SLC2A5: variants seen among roughly 807,000 people sequenced by gnomAD.
SLC2A5 encodes the protein solute carrier family 2 member 5, also known as solute carrier family 2, facilitated glucose transporter member 5.
In SLC2A5, 56 loss-of-function variants were observed where a neutral mutation model predicts 50.3. The ratio of observed to expected loss-of-function variants is 1.11; its 90% CI spans 0.90 to 1.39. The LOEUF (loss-of-function observed/expected upper bound fraction) is 1.39. Ranked by LOEUF, SLC2A5 falls within the 40% of genes most tolerant of loss-of-function variation. SLC2A5 has a pLI of 0.00. For synonymous variants in SLC2A5, 269 were observed against 281.9 expected (o/e 0.95, Z 0.46); for missense variants, 566 against 650.1 (o/e 0.87, Z 1.41).
At chr1:9,058,067 G>C (rs2124407243) in intron 2 of SLC2A5, 85 bp downstream of exon 2, 1 of 975,886 alleles carries the variant, frequency 1.0e-6, no homozygotes, top group South Asian at 1.4e-5. Context: ...CCCACTGCGT[G>C]AACAGCCCCA....
At chr1:9,039,442 G>C in intron 8 of SLC2A5, 110 bp downstream of exon 8, 2 of 721,578 alleles carry the variant, frequency 2.8e-6, no homozygotes, top group Non-Finnish European at 4.4e-6. Flanking sequence ...AGTAGCGGCT[G>C]GTCCTCCACG....
chr1:9,050,041 G>A (rs1360595888), intron 3 of SLC2A5, among the ~76,000 whole-genome samples: 1 of 152,076 alleles, frequency 6.6e-6, no homozygotes, highest in African/African-American at 2.4e-5. Flanking sequence ...GGAGGCCAAG[G>A]CGGGTGGATC....
At chr1:9,049,771 C>A (rs886515008) in intron 3 of SLC2A5, among the ~76,000 whole-genome samples, 2 of 151,588 alleles carry the variant, frequency 1.3e-5, no homozygotes, top group African/African-American at 4.9e-5. Context: ...AATAGACCCA[C>A]GTTAAGTCTA....
intron 1 of SLC2A5, among the ~76,000 whole-genome samples, chr1:9,086,379 T>TTC (rs1216496284): frequency 1.2e-4 from 17 of 142,900 alleles, no homozygotes; most frequent in South Asian, 2.3e-4. Context: ...GATTTTCTTT[T>TTC]TCTCTCTCTT....
Position 9,039,935 on chromosome 1 carries a change from G to C in SLC2A5, c.750C>G (p.Ile250Met). Reference sequence around the variant, plus strand: ...CCTTCTCTGCCTCATCCTCCTGCCGGATCTCGGCCACCTCCCTGTCCACAG... The same window carrying C: ...CCTTCTCTGCCTCATCCTCCTGCCGCATCTCGGCCACCTCCCTGTCCACAG... ...WDSVDREVAE[I>M]RQEDEAEKAA... is the part of the protein sequence containing the mutation. The change falls in exon 7 of 12, where the codon ATC becomes ATG. Residue 250 changes from isoleucine (I) to methionine (M), a missense_variant. Coordinates refer to ENST00000377424, the MANE Select transcript of SLC2A5 (RefSeq NM_003039.3). 1 of 1,613,010 alleles carries C rather than the reference G, an allele frequency of 6.2e-7. No individual in the cohort carries two copies. The highest frequency in any genetic ancestry group is 8.5e-7 in the Non-Finnish European group (1 of 1,179,820).
chr1:9,083,846 C>T (rs1471282073), intron 2 of SLC2A5, among the ~76,000 whole-genome samples: 1 of 148,988 alleles, frequency 6.7e-6, no homozygotes, highest in Non-Finnish European at 1.5e-5. Context: ...AACAAACAAA[C>T]AACACATACT....
intron 1 of SLC2A5, among the ~76,000 whole-genome samples, chr1:9,062,609 C>T (rs145961730): frequency 0.075 from 11,397 of 152,170 alleles, 603 homozygotes; most frequent in Middle Eastern, 0.16. Context: ...CAGTGGCTCA[C>T]ACCTGTAATC....
At chr1:9,060,606 C>T (rs1448108632) in intron 1 of SLC2A5, among the ~76,000 whole-genome samples, 2 of 138,394 alleles carry the variant, frequency 1.4e-5, no homozygotes, top group Non-Finnish European at 3.2e-5. Context: ...GGCAGAAATA[C>T]ACACACCACA....
upstream of SLC2A5, among the ~76,000 whole-genome samples, chr1:9,070,237 C>G (rs994978015): frequency 6.6e-6 from 1 of 151,652 alleles, no homozygotes; most frequent in Non-Finnish European, 1.5e-5. Flanking sequence ...TGCACTACCA[C>G]GCTCGGCTAA....
intron 1 of SLC2A5, among the ~76,000 whole-genome samples, chr1:9,063,720 A>T: frequency 1.5e-5 from 1 of 67,028 alleles, no homozygotes; most frequent in Admixed American, 2.4e-4. Flanking sequence ...TTTGAGACGG[A>T]GTCTTCGCTC....
At chr1:9,086,251 A>G (rs1177379494) in intron 1 of SLC2A5, among the ~76,000 whole-genome samples, 3 of 152,194 alleles carry the variant, frequency 2.0e-5, no homozygotes, top group African/African-American at 7.2e-5. Context: ...GACAAAGTCA[A>G]TTGACTGAAA....
intron 1 of SLC2A5, among the ~76,000 whole-genome samples, chr1:9,062,973 T>C (rs1641984829): frequency 6.6e-6 from 1 of 152,140 alleles, no homozygotes; most frequent in Non-Finnish European, 1.5e-5. Flanking sequence ...GATGGGCACT[T>C]GGGTAATGGA....
intron 5 of SLC2A5, chr1:9,041,378 G>T: frequency 1.1e-6 from 1 of 903,414 alleles, no homozygotes; most frequent in Non-Finnish European, 1.5e-6. Context: ...TCTGCAAAAT[G>T]GGATAATCAC....
At position 9,036,392 on chromosome 1, in the gene SLC2A5, G is replaced by C. The variant is rs1299596065; in HGVS notation, c.*1194C>G. On this transcript the variant is annotated 3_prime_UTR_variant, in exon 12 of 12. Coordinates refer to ENST00000377424, the MANE Select transcript of SLC2A5 (RefSeq NM_003039.3). ...ACTGTGTTGCCCAGGCTGGAGTATAGGGTGCAATTTCAGCTCACTGCAACC... is the reference window on the plus strand; with the variant it reads ...ACTGTGTTGCCCAGGCTGGAGTATACGGTGCAATTTCAGCTCACTGCAACC... The C allele has an allele frequency of 6.6e-6, 1 of 152,104 alleles. No individual in the cohort carries two copies. Among genetic ancestry groups the C allele is most frequent in the African/African-American group, 2.4e-5 (1 of 41,396 alleles). 9.4% of individuals were successfully genotyped at this position (152,104 alleles called of 1,614,324 possible).
At chr1:9,060,742 C>T (rs1319673986) in intron 1 of SLC2A5, among the ~76,000 whole-genome samples, 2 of 151,138 alleles carry the variant, frequency 1.3e-5, no homozygotes, top group African/African-American at 4.9e-5. Flanking sequence ...TATGCACACA[C>T]AATAGGCTTG....
At chr1:9,069,387 C>T in intron 1 of SLC2A5, 117 bp downstream of exon 1, 1 of 1,068,754 alleles carries the variant, frequency 9.4e-7, no homozygotes, top group Non-Finnish European at 1.4e-6. Context: ...CATAATCCCT[C>T]CCAACACAGA....
intron 2 of SLC2A5, among the ~76,000 whole-genome samples, chr1:9,079,138 C>T (rs924077448): frequency 2.0e-5 from 3 of 152,176 alleles, no homozygotes; most frequent in Admixed American, 6.5e-5. Flanking sequence ...AGAAAACGTG[C>T]GCCTTCCAAG....
intron 1 of SLC2A5, among the ~76,000 whole-genome samples, chr1:9,061,624 T>A (rs1641947214): frequency 1.7e-5 from 2 of 117,754 alleles, no homozygotes; most frequent in South Asian, 5.1e-4. Context: ...AAAAAATTCT[T>A]TTCTAATTCT....
chr1:9,043,292 A>G (rs1364725274), intron 4 of SLC2A5, among the ~76,000 whole-genome samples: 2 of 152,150 alleles, frequency 1.3e-5, no homozygotes, highest in Non-Finnish European at 2.9e-5. Context: ...ACCTGAGGCC[A>G]TGTTTTCCTG....
Sources: gnomAD v4.1 joint callset for allele counts (sites outside exome capture counted in the v4.1 genomes callset) on GRCh38, gnomAD v4.1.1 for gene constraint, MANE v1.5 for transcripts, NCBI Gene and HGNC (gene_info 2026-07-23, HGNC 2026-07-21) for gene names.